The following NCAM2 variants were observed in gnomAD, a reference collection of about 807,000 sequenced individuals.
NCAM2 encodes the protein neural cell adhesion molecule 2.
Under a neutral mutation model 98.1 loss-of-function variants are expected in NCAM2, and 30 were observed. The observed-to-expected ratio is 0.31, with a 90% CI of 0.23 to 0.41. The LOEUF is 0.41. NCAM2 is among the 10% of genes least tolerant of loss of function. The pLI, the probability that NCAM2 is intolerant of heterozygous loss-of-function variation, is 1.00. For synonymous variants in NCAM2, 368 were observed against 342.4 expected (o/e 1.07, Z -0.83); for missense variants, 867 against 1,005.8 (o/e 0.86, Z 1.87).
At chr21:21,532,513 A>C (rs1182799009) in intron 16 of NCAM2, among the ~76,000 whole-genome samples, 1 of 152,166 alleles carries the variant, frequency 6.6e-6, no homozygotes, top group Admixed American at 6.5e-5. Context: ...AATTATTTTT[A>C]ATTTAAAGAT....
At chr21:21,089,754 C>T (rs2065974378) in intron 1 of NCAM2, among the ~76,000 whole-genome samples, 1 of 152,094 alleles carries the variant, frequency 6.6e-6, no homozygotes, top group Admixed American at 6.5e-5. Flanking sequence ...AGGTGTCTGG[C>T]CACGTGTTTC....
At chr21:21,474,195 T>C (rs1014490988) in intron 14 of NCAM2, among the ~76,000 whole-genome samples, 1 of 152,026 alleles carries the variant, frequency 6.6e-6, no homozygotes, top group Non-Finnish European at 1.5e-5. Flanking sequence ...TCCCTAGGAA[T>C]AGCAATTAGG....
chr21:21,493,543 G>A (rs1352810425), intron 15 of NCAM2, among the ~76,000 whole-genome samples: 1 of 151,878 alleles, frequency 6.6e-6, no homozygotes, highest in Non-Finnish European at 1.5e-5. Flanking sequence ...AACCCACAGT[G>A]GCACATTGTA....
intron 5 of NCAM2, among the ~76,000 whole-genome samples, chr21:21,313,814 G>A (rs553727733): frequency 6.6e-6 from 1 of 152,010 alleles, no homozygotes; most frequent in South Asian, 2.1e-4. Context: ...GTATTTTACT[G>A]TATCTATAAT....
At chr21:21,097,581 G>T (rs955063592) in intron 1 of NCAM2, among the ~76,000 whole-genome samples, 9 of 151,240 alleles carry the variant, frequency 6.0e-5, no homozygotes, top group Non-Finnish European at 1.2e-4. Flanking sequence ...TTCAATAAAT[G>T]GTCCTATTTA....
At chr21:21,506,087 G>C (rs900762262) in intron 15 of NCAM2, among the ~76,000 whole-genome samples, 1 of 152,018 alleles carries the variant, frequency 6.6e-6, no homozygotes, top group Non-Finnish European at 1.5e-5. Context: ...TAATAAATCA[G>C]ATATATTGTC....
At chr21:21,321,078 ATT>A (rs1478304873) in intron 5 of NCAM2, among the ~76,000 whole-genome samples, 3 of 152,222 alleles carry the variant, frequency 2.0e-5, no homozygotes, top group African/African-American at 7.2e-5. Flanking sequence ...TGCTCTATCT[ATT>A]CTCTTGGCCA....
chr21:21,182,316 T>C (rs918041380), intron 1 of NCAM2, among the ~76,000 whole-genome samples: 5 of 152,288 alleles, frequency 3.3e-5, no homozygotes, highest in South Asian at 2.1e-4. Flanking sequence ...AGTTTCCTCA[T>C]TGGCACATCT....
intron 16 of NCAM2, among the ~76,000 whole-genome samples, chr21:21,533,930 T>C (rs1486936780): frequency 6.6e-6 from 1 of 151,976 alleles, no homozygotes; most frequent in Admixed American, 6.6e-5. Context: ...ACAAAGATTA[T>C]TTTATTTAAA....
At chr21:21,217,900 A>G (rs1028402934) in intron 1 of NCAM2, among the ~76,000 whole-genome samples, 3 of 152,200 alleles carry the variant, frequency 2.0e-5, no homozygotes, top group African/African-American at 7.2e-5. Flanking sequence ...TGGCAAGAAC[A>G]CAGGCTGAAA....
chr21:21,369,514 G>A (rs1000603661), intron 8 of NCAM2, among the ~76,000 whole-genome samples: 7 of 151,594 alleles, frequency 4.6e-5, no homozygotes, highest in Non-Finnish European at 8.8e-5. Flanking sequence ...TTAACATTTG[G>A]AGGAACTGTC....
chr21:21,187,128 G>A (rs1273979360), intron 1 of NCAM2, among the ~76,000 whole-genome samples: 1 of 152,036 alleles, frequency 6.6e-6, no homozygotes, highest in Non-Finnish European at 1.5e-5. Context: ...TACTCGGGAG[G>A]CAGGAGAATC....
intron 8 of NCAM2, among the ~76,000 whole-genome samples, chr21:21,363,633 G>A (rs570023248): frequency 4.6e-5 from 7 of 151,916 alleles, no homozygotes; most frequent in Admixed American, 3.9e-4. Context: ...ATTGATATAC[G>A]TTAAAGATTC....
chr21:21,101,815 T>C (rs976955642), intron 1 of NCAM2, among the ~76,000 whole-genome samples: 1 of 152,064 alleles, frequency 6.6e-6, no homozygotes, highest in Non-Finnish European at 1.5e-5. Context: ...TTAAAATCAT[T>C]TTGTCTCTCA....
intron 1 of NCAM2, among the ~76,000 whole-genome samples, chr21:21,257,717 G>A (rs2071730102): frequency 6.6e-6 from 1 of 152,082 alleles, no homozygotes; most frequent in African/African-American, 2.4e-5. Flanking sequence ...TGAGTAGCTG[G>A]GGTTCCAGGG....
At chr21:21,314,878 T>C (rs371127903) in intron 5 of NCAM2, among the ~76,000 whole-genome samples, 7 of 152,196 alleles carry the variant, frequency 4.6e-5, no homozygotes, top group African/African-American at 1.7e-4. Context: ...CCTAATTATT[T>C]AGAACATGTT....
chr21:21,132,753 A>G (rs1044291579), intron 1 of NCAM2, among the ~76,000 whole-genome samples: 6 of 152,238 alleles, frequency 3.9e-5, no homozygotes, highest in African/African-American at 1.4e-4. Context: ...TTATTATGGA[A>G]TATAAAACCA....
chr21:21,033,883 C>A (rs2064742824), intron 1 of NCAM2, among the ~76,000 whole-genome samples: 2 of 152,040 alleles, frequency 1.3e-5, no homozygotes, highest in Non-Finnish European at 2.9e-5. Flanking sequence ...TCTGCAGGCC[C>A]TGTTAATAGT....
At chr21:21,265,139 A>G (rs1174715534) in intron 1 of NCAM2, among the ~76,000 whole-genome samples, 1 of 119,566 alleles carries the variant, frequency 8.4e-6, no homozygotes, top group Non-Finnish European at 1.6e-5. Flanking sequence ...ATATACATAT[A>G]TAATATATAT....
Sources: gnomAD v4.1 joint callset for allele counts (sites outside exome capture counted in the v4.1 genomes callset) on GRCh38, gnomAD v4.1.1 for gene constraint, MANE v1.5 for transcripts, NCBI Gene and HGNC (gene_info 2026-07-23, HGNC 2026-07-21) for gene names.